DIS3L2: variants seen among roughly 807,000 people sequenced by gnomAD.
DIS3L2 encodes DIS3 like 3'-5' exoribonuclease 2, also known as DIS3-like exonuclease 2.
A neutral mutation model predicts 97.5 loss-of-function variants in DIS3L2; 34 were observed. The ratio of observed to expected loss-of-function variants is 0.35; its 90% CI spans 0.27 to 0.46. The LOEUF (loss-of-function observed/expected upper bound fraction) is 0.46, where lower values mean the gene tolerates loss of function less well. Among genes scored for constraint, DIS3L2 ranks in the 20% least tolerant of loss-of-function variants. The pLI, the probability that DIS3L2 is intolerant of heterozygous loss-of-function variation, is 1.00. For synonymous variants in DIS3L2, 435 were observed against 445.2 expected (o/e 0.98, Z 0.29); for missense variants, 1,038 against 1,146.0 (o/e 0.91, Z 1.36).
At chr2:232,168,484 G>A (rs1574921836) in intron 9 of DIS3L2, among the ~76,000 whole-genome samples, 1 of 130,614 alleles carries the variant, frequency 7.7e-6, no homozygotes, top group African/African-American at 2.9e-5. Flanking sequence ...GGACTTTGCA[G>A]TAATCTTTTT....
chr2:232,217,504 T>C (rs1692373812), intron 10 of DIS3L2, among the ~76,000 whole-genome samples: 1 of 152,210 alleles, frequency 6.6e-6, no homozygotes, highest in African/African-American at 2.4e-5. Context: ...GAGCACCTGG[T>C]CCCACAAGAC....
intron 6 of DIS3L2, among the ~76,000 whole-genome samples, chr2:232,128,959 A>C (rs888162858): frequency 1.3e-5 from 2 of 152,196 alleles, no homozygotes; most frequent in Non-Finnish European, 2.9e-5. Flanking sequence ...TATCCTTCTG[A>C]ATATAGAACC....
At chr2:232,028,313 A>G (rs1694715410) in intron 4 of DIS3L2, among the ~76,000 whole-genome samples, 2 of 152,308 alleles carry the variant, frequency 1.3e-5, no homozygotes, top group South Asian at 2.1e-4. Flanking sequence ...TCTTTGGCCT[A>G]AAAAAGTGGT....
At chr2:232,249,182 G>A in intron 11 of DIS3L2, 57 bp from the exon 12 acceptor site, 3 of 1,560,644 alleles carry the variant, frequency 1.9e-6, no homozygotes, top group Non-Finnish European at 2.6e-6. Flanking sequence ...TCTGCCCACT[G>A]GGCTTCTCCT....
At chr2:232,305,032 G>A (rs915538585) in intron 14 of DIS3L2, among the ~76,000 whole-genome samples, 2 of 151,880 alleles carry the variant, frequency 1.3e-5, no homozygotes, top group Admixed American at 6.6e-5. Flanking sequence ...GTTTACTATC[G>A]GCTGCTTAAT....
chr2:232,065,264 C>T (rs541276098), intron 5 of DIS3L2, among the ~76,000 whole-genome samples: 2 of 151,994 alleles, frequency 1.3e-5, no homozygotes, highest in African/African-American at 2.4e-5. Context: ...ATTTCTTTTT[C>T]CCCCCAGCTC....
At chr2:232,289,233 G>T (rs75101506) in intron 13 of DIS3L2, among the ~76,000 whole-genome samples, 2,977 of 152,026 alleles carry the variant, frequency 0.02, 101 homozygotes, top group African/African-American at 0.069. Flanking sequence ...AATGAGGAAA[G>T]AGTTTTTTGT....
intron 13 of DIS3L2, among the ~76,000 whole-genome samples, chr2:232,278,685 G>A (rs1385941132): frequency 1.3e-5 from 2 of 152,180 alleles, no homozygotes; most frequent in African/African-American, 4.8e-5. Flanking sequence ...CTGTTGTATA[G>A]ATATACCACA....
At chr2:232,326,343 C>G (rs1318218071) in intron 14 of DIS3L2, among the ~76,000 whole-genome samples, 1 of 144,774 alleles carries the variant, frequency 6.9e-6, no homozygotes, top group Non-Finnish European at 1.5e-5. Context: ...GGTGCCAGGT[C>G]CCATTTGCAA....
At chr2:232,295,316 G>T (rs1694697167) in intron 13 of DIS3L2, among the ~76,000 whole-genome samples, 2 of 152,078 alleles carry the variant, frequency 1.3e-5, no homozygotes, top group East Asian at 1.9e-4. Flanking sequence ...CAGATAATTT[G>T]TGTCCTAATT....
At chr2:232,236,830 C>T (rs970837025) in intron 10 of DIS3L2, among the ~76,000 whole-genome samples, 3 of 152,196 alleles carry the variant, frequency 2.0e-5, no homozygotes, top group Non-Finnish European at 4.4e-5. Context: ...CAGCTCACTA[C>T]AACCTCTGCC....
intron 1 of DIS3L2, among the ~76,000 whole-genome samples, chr2:231,986,515 A>G (rs1256436043): frequency 6.6e-6 from 1 of 151,974 alleles, no homozygotes; most frequent in Non-Finnish European, 1.5e-5. Flanking sequence ...ATTGTGTTTC[A>G]TTGTTATGTT....
chr2:232,336,417 C>G, intron 20 of DIS3L2, 52 bp from the exon 21 acceptor site: 1 of 1,574,056 alleles, frequency 6.4e-7, no homozygotes, highest in Non-Finnish European at 8.6e-7. Flanking sequence ...AGAGCTGCGC[C>G]TCGACATCAG....
At chr2:232,309,588 C>A (rs867086921) in intron 14 of DIS3L2, among the ~76,000 whole-genome samples, 9 of 151,958 alleles carry the variant, frequency 5.9e-5, no homozygotes, top group Admixed American at 1.3e-4. Flanking sequence ...GGTAGATCCT[C>A]CCACCTCAGC....
Position 231,978,936 on chromosome 2 carries a change from T to C in DIS3L2, c.-94+17171T>C, listed in dbSNP as rs571101663. ...ATTTAAAATTTCAATTTTGTTTTAATGGAGTTGCTTCTTTCATATTGATTG... is the reference window on the plus strand; with the variant it reads ...ATTTAAAATTTCAATTTTGTTTTAACGGAGTTGCTTCTTTCATATTGATTG... On this transcript the variant is annotated intron_variant, in intron 1 of 20. Transcript: ENST00000325385. 8.4e-4 allele frequency among the ~76,000 whole-genome samples: 128 copies of C among 152,396 alleles called. 1 individual carries two copies. The highest frequency in any genetic ancestry group is 1.4e-3 in the Non-Finnish European group (95 of 68,046).
At chr2:232,175,953 G>A (rs556867898) in intron 9 of DIS3L2, among the ~76,000 whole-genome samples, 5 of 152,172 alleles carry the variant, frequency 3.3e-5, no homozygotes, top group East Asian at 3.9e-4. Context: ...GCAGTGGTGC[G>A]ATTTCAACTT....
At chr2:232,094,967 G>A (rs947118125) in intron 6 of DIS3L2, among the ~76,000 whole-genome samples, 1 of 151,960 alleles carries the variant, frequency 6.6e-6, no homozygotes, top group Admixed American at 6.6e-5. Flanking sequence ...TATTAATATA[G>A]GTACTTCTCC....
chr2:232,175,149 A>G (rs749643355), intron 9 of DIS3L2, among the ~76,000 whole-genome samples: 4 of 152,052 alleles, frequency 2.6e-5, no homozygotes, highest in Non-Finnish European at 5.9e-5. Flanking sequence ...TATTAATTGT[A>G]ATGTAAGCTT....
At chr2:232,279,504 G>GTGTT (rs112447261) in intron 13 of DIS3L2, among the ~76,000 whole-genome samples, 3,745 of 149,700 alleles carry the variant, frequency 0.025, 48 homozygotes, top group African/African-American at 0.032. Context: ...ATTGGTGTGT[G>GTGTT]TGTTTGTTTG....
Sources: gnomAD v4.1 joint callset for allele counts (sites outside exome capture counted in the v4.1 genomes callset) on GRCh38, gnomAD v4.1.1 for gene constraint, MANE v1.5 for transcripts, NCBI Gene and HGNC (gene_info 2026-07-23, HGNC 2026-07-21) for gene names.